Variants in USP32 observed in about 807,000 individuals in gnomAD.
USP32 encodes ubiquitin specific peptidase 32.
USP32 carries 59 observed loss-of-function variants against 204.8 expected under a neutral mutation model. The ratio of observed to expected loss-of-function variants is 0.29; its 90% CI spans 0.23 to 0.36. USP32 has a LOEUF of 0.36. Among genes scored for constraint, USP32 ranks in the 10% least tolerant of loss-of-function variants. USP32 has a pLI of 1.00. For synonymous variants in USP32, 517 were observed against 678.4 expected (o/e 0.76, Z 3.70); for missense variants, 1,160 against 1,946.4 (o/e 0.60, Z 7.60).
intron 1 of USP32, among the ~76,000 whole-genome samples, chr17:60,349,616 TATATATATTATATATATATATATATATTA>T (rs1427800356): frequency 1.0e-4 from 7 of 68,550 alleles, no homozygotes; most frequent in African/African-American, 7.4e-4. Flanking sequence ...TATATATATA[TATATATATTATATATATATATATATATTA>T]TATATATACA....
chr17:60,258,767 T>C (rs977410649), intron 9 of USP32, among the ~76,000 whole-genome samples: 4 of 152,238 alleles, frequency 2.6e-5, no homozygotes, highest in Admixed American at 6.5e-5. Flanking sequence ...AAGGTTTTGA[T>C]TGAAGATAAA....
rs796403744 is a variant in USP32, at chr17:60,288,379, G to A, written c.571+144C>T. On this transcript the variant is annotated intron_variant, in intron 5 of 33. Coordinates refer to ENST00000300896, the MANE Select transcript of USP32 (RefSeq NM_032582.4). ...TGCTTGAGCCCAGGAAGTTGAGACT[G>A]CCGTAAGCCACGATGGTGCCACTGC... The A allele has an allele frequency of 7.3e-6, 7 of 953,886 alleles. No homozygotes were observed. In the African/African-American group the frequency reaches 1.0e-4, roughly 14 times the overall value. 59.1% of individuals were successfully genotyped at this position (953,886 alleles called of 1,614,324 possible). A position where few individuals can be genotyped will look rare whatever the true frequency, so the allele number is the denominator to read the frequency against.
chr17:60,211,237 T>A, intron 20 of USP32, 119 bp from the exon 21 acceptor site: 1 of 1,500,784 alleles, frequency 6.7e-7, no homozygotes, highest in Admixed American at 2.4e-5. Context: ...AAGAGATGTA[T>A]TCCTTGGCCT....
intron 1 of USP32, among the ~76,000 whole-genome samples, chr17:60,415,755 A>T (rs186119440): frequency 8.9e-4 from 136 of 152,248 alleles, no homozygotes; most frequent in Admixed American, 2.8e-3. Context: ...TGGAGTCTTT[A>T]TACAATTCTA....
intron 11 of USP32, among the ~76,000 whole-genome samples, chr17:60,239,923 G>A (rs185873649): frequency 1.5e-3 from 232 of 152,272 alleles, no homozygotes; most frequent in South Asian, 5.2e-3. Flanking sequence ...TTTTAGTAGA[G>A]ACGGGGTTTT....
upstream of USP32, among the ~76,000 whole-genome samples, chr17:60,395,772 G>A (rs1186355799): frequency 6.6e-6 from 1 of 152,140 alleles, no homozygotes; most frequent in Non-Finnish European, 1.5e-5. Flanking sequence ...TCTACTTCCA[G>A]TTGGGCAACA....
intron 11 of USP32, among the ~76,000 whole-genome samples, chr17:60,237,323 T>C (rs549866757): frequency 2.5e-4 from 38 of 151,456 alleles, no homozygotes; most frequent in Middle Eastern, 3.4e-3. Context: ...TTTTTTTTTT[T>C]TTAACTAGAG....
chr17:60,400,797 G>GA (rs1272317578), intron 1 of USP32, among the ~76,000 whole-genome samples: 3 of 152,084 alleles, frequency 2.0e-5, no homozygotes, highest in Admixed American at 6.6e-5. Flanking sequence ...GAGTCGGGGG[G>GA]ATCACTTGTG....
intron 2 of USP32, among the ~76,000 whole-genome samples, chr17:60,331,286 C>T (rs2088376311): frequency 6.6e-6 from 1 of 152,222 alleles, no homozygotes; most frequent in Non-Finnish European, 1.5e-5. Flanking sequence ...TATACTTAGA[C>T]TGGGTGTGGT....
chr17:60,420,840 CA>C (rs2090106129), intron 1 of USP32, among the ~76,000 whole-genome samples: 4 of 152,138 alleles, frequency 2.6e-5, no homozygotes, highest in African/African-American at 9.6e-5. Flanking sequence ...TATATATGTA[CA>C]AAAATGGAAT....
chr17:60,346,353 T>A (rs938577373), intron 1 of USP32, among the ~76,000 whole-genome samples: 7 of 152,234 alleles, frequency 4.6e-5, no homozygotes, highest in Non-Finnish European at 1.0e-4. Flanking sequence ...GTAAGCTAAA[T>A]GCCACTGGAT....
intron 19 of USP32, 116 bp downstream of exon 19, chr17:60,211,908 C>T (rs1229491724): frequency 8.9e-5 from 72 of 806,962 alleles, no homozygotes; most frequent in Non-Finnish European, 1.3e-4. Context: ...AAGAAGAAGG[C>T]CCTAATTACT....
At chr17:60,395,661 A>G (rs890195720), upstream of USP32, among the ~76,000 whole-genome samples, 16 of 152,254 alleles carry the variant, frequency 1.1e-4, no homozygotes, top group African/African-American at 3.9e-4. Flanking sequence ...ACTTTTAAGT[A>G]GTCAGTTGTA....
upstream of USP32, among the ~76,000 whole-genome samples, chr17:60,393,572 A>T (rs2089873074): frequency 6.6e-6 from 1 of 152,194 alleles, no homozygotes; most frequent in African/African-American, 2.4e-5. Context: ...TTTGGATTAG[A>T]TTGGACCCAA....
chr17:60,251,603 T>A (rs2086169184), intron 11 of USP32, among the ~76,000 whole-genome samples: 1 of 152,220 alleles, frequency 6.6e-6, no homozygotes, highest in Admixed American at 6.5e-5. Flanking sequence ...TACACAAATG[T>A]GTAGCATAAT....
rs1176472018 is a variant in USP32, at chr17:60,178,225, T to C, written c.*1030A>G. Among the ~76,000 whole-genome samples, 1 of 152,254 alleles carries C rather than the reference T, an allele frequency of 6.6e-6. No individual in the cohort carries two copies. The highest frequency in any genetic ancestry group is 1.5e-5 in the Non-Finnish European group (1 of 68,050). ...GTGTTTTGTTTGTAATTTATAGCCC[T>C]TAGAGCCATCAAATACACACAAGCA... On this transcript the variant is annotated 3_prime_UTR_variant, in exon 34 of 34. Transcript: ENST00000300896.
chr17:60,381,110 C>T lies in USP32; in HGVS notation c.58+10772G>A, dbSNP rs548789501. On this transcript the variant is annotated intron_variant, in intron 1 of 33. Coordinates refer to ENST00000300896, the MANE Select transcript of USP32 (RefSeq NM_032582.4). ...TCAGCTTTCTCCTTTAAGGAGAAAG[C>T]ACAGCAGCACTAGGTAGTCCCATTT... 7.9e-5 allele frequency among the ~76,000 whole-genome samples: 12 copies of T among 152,262 alleles called. No individual in the cohort carries two copies. In the South Asian group the frequency reaches 2.5e-3, roughly 32 times the overall value.
At chr17:60,388,985 A>AT (rs1390228887) in intron 1 of USP32, among the ~76,000 whole-genome samples, 2 of 152,078 alleles carry the variant, frequency 1.3e-5, no homozygotes, top group African/African-American at 4.8e-5. Context: ...ATATATGCCT[A>AT]TTTTTTTAAA....
intron 4 of USP32, among the ~76,000 whole-genome samples, chr17:60,293,697 T>C (rs143882926): frequency 1.1e-3 from 170 of 152,292 alleles, no homozygotes; most frequent in African/African-American, 3.8e-3. Flanking sequence ...TCCAAAGATA[T>C]ATCAGAACCA....
Sources: gnomAD v4.1 joint callset for allele counts (sites outside exome capture counted in the v4.1 genomes callset) on GRCh38, gnomAD v4.1.1 for gene constraint, MANE v1.5 for transcripts, NCBI Gene and HGNC (gene_info 2026-07-23, HGNC 2026-07-21) for gene names.